The following ATP8A2 variants were observed in gnomAD, a reference collection of about 807,000 sequenced individuals.
The protein encoded by ATP8A2 is phospholipid-transporting ATPase IB.
In ATP8A2, 100 loss-of-function variants were observed where a neutral mutation model predicts 165.6. The ratio of observed to expected loss-of-function variants is 0.60; its 90% CI spans 0.51 to 0.71. The LOEUF (loss-of-function observed/expected upper bound fraction) is 0.71, where lower values mean the gene tolerates loss of function less well. ATP8A2 is among the 30% of genes least tolerant of loss of function. ATP8A2 has a pLI of 0.00. For missense variants in ATP8A2, 1,227 were observed against 1,479.5 expected (o/e 0.83, Z 2.80); for synonymous variants, 543 against 548.8 (o/e 0.99, Z 0.15).
chr13:25,504,459 G>A (rs192615876), intron 2 of ATP8A2, among the ~76,000 whole-genome samples: 23 of 142,000 alleles, frequency 1.6e-4, no homozygotes, highest in African/African-American at 5.2e-4. Flanking sequence ...TATACAGTGC[G>A]GCCGGGCGCG....
intron 27 of ATP8A2, among the ~76,000 whole-genome samples, chr13:25,780,335 G>A (rs928951556): frequency 6.6e-6 from 1 of 152,046 alleles, no homozygotes; most frequent in Non-Finnish European, 1.5e-5. Context: ...ATTATATACA[G>A]CTTGGAGTCT....
chr13:25,461,852 A>AAGGAGAAGAAGAAGG (rs2035512780), intron 1 of ATP8A2, among the ~76,000 whole-genome samples: 2 of 147,816 alleles, frequency 1.4e-5, no homozygotes, highest in African/African-American at 5.0e-5. Context: ...GGAGAAGAAG[A>AAGGAGAAGAAGAAGG]AGGAGGAGGA....
intron 30 of ATP8A2, among the ~76,000 whole-genome samples, chr13:25,845,204 G>C (rs959723896): frequency 6.6e-6 from 1 of 152,112 alleles, no homozygotes; most frequent in Non-Finnish European, 1.5e-5. Context: ...TTAGACCTAG[G>C]ATGTCACCTT....
intron 24 of ATP8A2, among the ~76,000 whole-genome samples, chr13:25,648,127 C>G (rs1266935176): frequency 2.6e-5 from 4 of 152,016 alleles, no homozygotes; most frequent in Non-Finnish European, 5.9e-5. Context: ...TTTTATTTCT[C>G]TAATTGGATA....
chr13:25,919,998 G>C (rs902107533), intron 33 of ATP8A2, among the ~76,000 whole-genome samples: 5 of 151,978 alleles, frequency 3.3e-5, no homozygotes, highest in African/African-American at 1.2e-4. Context: ...ATGTCGTCCA[G>C]GCTGGTCTCG....
intron 33 of ATP8A2, among the ~76,000 whole-genome samples, chr13:25,908,533 C>T (rs1954013516): frequency 6.6e-6 from 1 of 152,146 alleles, no homozygotes; most frequent in Non-Finnish European, 1.5e-5. Context: ...TGTCTTGTAA[C>T]AGCATTCCAC....
At chr13:25,858,636 T>A (rs1952240707) in intron 30 of ATP8A2, among the ~76,000 whole-genome samples, 1 of 152,144 alleles carries the variant, frequency 6.6e-6, no homozygotes, top group African/African-American at 2.4e-5. Context: ...GATTCTCTAA[T>A]AAGAGTGGGA....
chr13:25,823,381 G>A (rs188775949), intron 27 of ATP8A2, among the ~76,000 whole-genome samples: 1 of 151,980 alleles, frequency 6.6e-6, no homozygotes, highest in Non-Finnish European at 1.5e-5. Flanking sequence ...CTTATATGTA[G>A]CATATATTTT....
intron 1 of ATP8A2, among the ~76,000 whole-genome samples, chr13:25,388,652 T>A (rs1235633444): frequency 6.6e-6 from 1 of 152,228 alleles, no homozygotes; most frequent in Non-Finnish European, 1.5e-5. Context: ...GATCTTTAAC[T>A]ACCAGGCCCA....
rs189399729 is a variant in ATP8A2, at chr13:25,904,105, G to A, written c.3183+41697G>A. 1.4e-4 allele frequency among the ~76,000 whole-genome samples: 21 copies of A among 152,228 alleles called. 1 individual carries two copies. The highest frequency in any genetic ancestry group is 1.3e-3 in the Admixed American group (20 of 15,292). On this transcript the variant is annotated intron_variant, in intron 33 of 36. Transcript: ENST00000381655. ...TTGGACTTACCAGTTGATCATCCCT[G>A]GTCTGAAAACCTGAGATCCAAAGTG...
At chr13:25,600,721 A>G (rs149693866) in intron 24 of ATP8A2, among the ~76,000 whole-genome samples, 3 of 152,268 alleles carry the variant, frequency 2.0e-5, no homozygotes, top group African/African-American at 4.8e-5. Flanking sequence ...TGTCTTCCCA[A>G]TCTTAAGCAA....
chr13:25,586,392 C>T (rs2039922678), intron 23 of ATP8A2, among the ~76,000 whole-genome samples: 1 of 152,086 alleles, frequency 6.6e-6, no homozygotes, highest in African/African-American at 2.4e-5. Flanking sequence ...GTTGAGGGAG[C>T]ATGTTCTTCT....
intron 28 of ATP8A2, among the ~76,000 whole-genome samples, chr13:25,831,221 T>C (rs995785998): frequency 6.6e-6 from 1 of 150,562 alleles, no homozygotes; most frequent in Admixed American, 6.6e-5. Flanking sequence ...ATTTTCTTTT[T>C]TTTTTTTTTT....
chr13:25,703,868 T>C (rs2043001412), intron 25 of ATP8A2, among the ~76,000 whole-genome samples: 1 of 152,196 alleles, frequency 6.6e-6, no homozygotes, highest in Non-Finnish European at 1.5e-5. Flanking sequence ...CTACAGGGGA[T>C]AATTGTACAA....
chr13:25,472,816 G>A (rs1358038765), intron 2 of ATP8A2, among the ~76,000 whole-genome samples: 1 of 152,142 alleles, frequency 6.6e-6, no homozygotes. Flanking sequence ...GTCCTCTCTG[G>A]AACAGAGTTC....
chr13:25,429,138 C>T (rs1374807705), intron 1 of ATP8A2, among the ~76,000 whole-genome samples: 4 of 152,098 alleles, frequency 2.6e-5, no homozygotes, highest in East Asian at 1.9e-4. Context: ...GAGGCCGAGG[C>T]GGTTGGATCA....
intron 1 of ATP8A2, among the ~76,000 whole-genome samples, chr13:25,418,143 C>T (rs188242178): frequency 6.6e-6 from 1 of 152,306 alleles, no homozygotes; most frequent in African/African-American, 2.4e-5. Flanking sequence ...ATTAGGGAAC[C>T]AAGGTCTCCC....
chr13:25,459,150 A>G (rs2035439789), intron 1 of ATP8A2, among the ~76,000 whole-genome samples: 1 of 152,200 alleles, frequency 6.6e-6, no homozygotes, highest in Non-Finnish European at 1.5e-5. Flanking sequence ...ACCATTTTCA[A>G]GAGAGAAGCC....
intron 33 of ATP8A2, among the ~76,000 whole-genome samples, chr13:25,886,652 GC>G (rs1026944297): frequency 1.3e-5 from 2 of 152,218 alleles, no homozygotes. Flanking sequence ...CATCTCCCAG[GC>G]CCACTCCATG....
Sources: gnomAD v4.1 joint callset for allele counts (sites outside exome capture counted in the v4.1 genomes callset) on GRCh38, gnomAD v4.1.1 for gene constraint, MANE v1.5 for transcripts, NCBI Gene and HGNC (gene_info 2026-07-23, HGNC 2026-07-21) for gene names.